The following BAZ2B variants were observed in gnomAD, a reference collection of about 807,000 sequenced individuals.
BAZ2B encodes the protein bromodomain adjacent to zinc finger domain 2B, also known as bromodomain adjacent to zinc finger domain protein 2B.
BAZ2B carries 91 observed loss-of-function variants against 246.0 expected under a neutral mutation model. That is an observed-to-expected ratio of 0.37 (90% confidence interval 0.31 to 0.44). The LOEUF (loss-of-function observed/expected upper bound fraction) is 0.44, where lower values mean the gene tolerates loss of function less well. Among genes scored for constraint, BAZ2B ranks in the 20% least tolerant of loss-of-function variants. BAZ2B has a pLI of 1.00. For synonymous variants in BAZ2B, 855 were observed against 860.0 expected (o/e 0.99, Z 0.10); for missense variants, 2,332 against 2,533.7 (o/e 0.92, Z 1.71).
At chr2:159,669,496 T>C in the BAZ2B span, among the ~76,000 whole-genome samples, 1 of 152,166 alleles carries the variant, frequency 6.6e-6, no homozygotes, top group Non-Finnish European at 1.5e-5. Context: ...TTTTTTTTAG[T>C]TGTTCTATCA....
intron 2 of BAZ2B, among the ~76,000 whole-genome samples, chr2:159,509,231 T>G (rs2082653705): frequency 6.6e-6 from 1 of 152,168 alleles, no homozygotes. Context: ...TCAGTGATTT[T>G]ATATTATAAT....
chr2:159,456,847 C>T (rs1288851429), intron 3 of BAZ2B, among the ~76,000 whole-genome samples: 1 of 152,004 alleles, frequency 6.6e-6, no homozygotes, highest in African/African-American at 2.4e-5. Context: ...TAATACCATG[C>T]ACTAAAAAAA....
chr2:159,581,715 A>T (rs1236518634), intron 1 of BAZ2B, among the ~76,000 whole-genome samples: 3 of 152,180 alleles, frequency 2.0e-5, no homozygotes, highest in Non-Finnish European at 4.4e-5. Flanking sequence ...AATGTGGCAC[A>T]TATACACCAT....
At chr2:159,449,158 C>T (rs2074677763) in intron 4 of BAZ2B, among the ~76,000 whole-genome samples, 1 of 151,894 alleles carries the variant, frequency 6.6e-6, no homozygotes, top group African/African-American at 2.4e-5. Context: ...GAAAATCATT[C>T]AATAAAAGGT....
chr2:159,392,642 C>G (rs1292076293), intron 20 of BAZ2B, among the ~76,000 whole-genome samples: 1 of 152,142 alleles, frequency 6.6e-6, no homozygotes, highest in Admixed American at 6.6e-5. Context: ...TCCTCTCCCA[C>G]TGGTCTCCAT....
At chr2:159,411,922 T>C in intron 14 of BAZ2B, 4 of 985,120 alleles carry the variant, frequency 4.1e-6, no homozygotes, top group Non-Finnish European at 4.8e-6. Flanking sequence ...ATTGGAGTTC[T>C]CTGACTGAAA....
the BAZ2B span, chr2:159,690,140 C>T: frequency 2.1e-6 from 1 of 484,662 alleles, no homozygotes; most frequent in Non-Finnish European, 3.7e-6. Flanking sequence ...ACTCTTGAGG[C>T]CATCAGATGC....
chr2:159,438,252 CTCTA>C (rs761735449), intron 8 of BAZ2B, 47 bp downstream of exon 8: 18 of 1,476,628 alleles, frequency 1.2e-5, no homozygotes, highest in Admixed American at 2.0e-5. Flanking sequence ...AATATAGAAG[CTCTA>C]TCTTTCTCTA....
At chr2:159,565,665 T>C (rs1461337798) in intron 1 of BAZ2B, among the ~76,000 whole-genome samples, 1 of 151,458 alleles carries the variant, frequency 6.6e-6, no homozygotes, top group Non-Finnish European at 1.5e-5. Flanking sequence ...TAGTACCAGC[T>C]ACTTCGGAGG....
At chr2:159,458,153 G>A (rs925888708) in intron 3 of BAZ2B, among the ~76,000 whole-genome samples, 1 of 150,490 alleles carries the variant, frequency 6.6e-6, no homozygotes, top group African/African-American at 2.4e-5. Flanking sequence ...GATTTCAGCT[G>A]TGTGCCACTA....
chr2:159,390,858 G>C (rs1441355896), intron 20 of BAZ2B, among the ~76,000 whole-genome samples: 1 of 152,092 alleles, frequency 6.6e-6, no homozygotes, highest in Non-Finnish European at 1.5e-5. Flanking sequence ...AGACATTCTG[G>C]GAGGACAAAC....
chr2:159,429,196 A>G lies in BAZ2B; in HGVS notation c.2255+4T>C. Reference sequence around the variant, plus strand: ...AAGAAAAAGGAAAACCTTATTTTGCATACCCATATTCCAATGGAATACGCA... The same window carrying G: ...AAGAAAAAGGAAAACCTTATTTTGCGTACCCATATTCCAATGGAATACGCA... On this transcript the variant is annotated splice_donor_region_variant and intron_variant, in intron 11 of 36. Transcript: ENST00000392783. 6 of 1,525,726 alleles carry G rather than the reference A, an allele frequency of 3.9e-6. No individual in the cohort carries two copies. The highest frequency in any genetic ancestry group is 5.3e-6 in the Non-Finnish European group (6 of 1,131,682). 94.5% of individuals were successfully genotyped at this position (1,525,726 alleles called of 1,614,324 possible). A position where few individuals can be genotyped will look rare whatever the true frequency, so the allele number is the denominator to read the frequency against.
the BAZ2B span, among the ~76,000 whole-genome samples, chr2:159,633,298 A>G: frequency 2.0e-5 from 3 of 152,188 alleles, no homozygotes; most frequent in African/African-American, 7.2e-5. Flanking sequence ...ACCCCAAAGT[A>G]TCTGATACAA....
At chr2:159,364,239 G>C (rs1055944719) in intron 27 of BAZ2B, among the ~76,000 whole-genome samples, 1 of 152,208 alleles carries the variant, frequency 6.6e-6, no homozygotes, top group Non-Finnish European at 1.5e-5. Flanking sequence ...CTGCAGAAGA[G>C]CTCTGGTAAA....
chr2:159,477,159 G>A (rs1361688039), intron 3 of BAZ2B, among the ~76,000 whole-genome samples: 1 of 151,998 alleles, frequency 6.6e-6, no homozygotes, highest in Non-Finnish European at 1.5e-5. Context: ...CAAAAAATTG[G>A]CTAGGTGTGG....
chr2:159,644,762 G>C, the BAZ2B span, among the ~76,000 whole-genome samples: 1 of 152,122 alleles, frequency 6.6e-6, no homozygotes, highest in Non-Finnish European at 1.5e-5. Flanking sequence ...CACCCAGGAG[G>C]CGCACCCACT....
chr2:159,391,710 G>T (rs750581089), intron 20 of BAZ2B, among the ~76,000 whole-genome samples: 6 of 152,074 alleles, frequency 3.9e-5, no homozygotes, highest in Non-Finnish European at 7.4e-5. Flanking sequence ...ATCAATTTTA[G>T]CTGGTGACAT....
intron 3 of BAZ2B, among the ~76,000 whole-genome samples, chr2:159,473,859 A>G (rs1173363297): frequency 1.3e-5 from 2 of 152,090 alleles, no homozygotes; most frequent in Non-Finnish European, 2.9e-5. Context: ...GTTTCCATGC[A>G]GTTGTGTGGT....
At chr2:159,506,471 T>C (rs2082337860) in intron 2 of BAZ2B, among the ~76,000 whole-genome samples, 1 of 152,108 alleles carries the variant, frequency 6.6e-6, no homozygotes, top group African/African-American at 2.4e-5. Context: ...CAGATACTTA[T>C]TAGGAAATAG....
Sources: gnomAD v4.1 joint callset for allele counts (sites outside exome capture counted in the v4.1 genomes callset) on GRCh38, gnomAD v4.1.1 for gene constraint, MANE v1.5 for transcripts, NCBI Gene and HGNC (gene_info 2026-07-23, HGNC 2026-07-21) for gene names.